The following SORCS1 variants were observed in gnomAD, a reference collection of about 807,000 sequenced individuals.
SORCS1 encodes sortilin related VPS10 domain containing receptor 1, also known as VPS10 domain-containing receptor SorCS1.
Under a neutral mutation model 146.1 loss-of-function variants are expected in SORCS1, and 60 were observed. The ratio of observed to expected loss-of-function variants is 0.41; its 90% CI spans 0.33 to 0.51. The LOEUF is 0.51. SORCS1 is among the 20% of genes least tolerant of loss of function. The pLI, the probability that SORCS1 is intolerant of heterozygous loss-of-function variation, is 0.21. For synonymous variants in SORCS1, 637 were observed against 584.0 expected, an observed-to-expected ratio of 1.09 and a Z score of -1.31; for missense variants, 1,352 against 1,487.6, an observed-to-expected ratio of 0.91 and a Z score of 1.50.
intron 18 of SORCS1, among the ~76,000 whole-genome samples, chr10:106,635,426 C>T (rs1175001082): frequency 1.3e-5 from 2 of 152,042 alleles, no homozygotes; most frequent in African/African-American, 4.8e-5. Context: ...CAACAAATAA[C>T]ACAGTAAATA....
intron 2 of SORCS1, among the ~76,000 whole-genome samples, chr10:106,864,151 A>T (rs1336525305): frequency 6.6e-6 from 1 of 152,230 alleles, no homozygotes; most frequent in Non-Finnish European, 1.5e-5. Context: ...CTTGGCTGTC[A>T]TGGAGAAAAA....
chr10:106,619,249 A>T, intron 20 of SORCS1, among the ~76,000 whole-genome samples: 1 of 152,160 alleles, frequency 6.6e-6, no homozygotes, highest in East Asian at 1.9e-4. Flanking sequence ...TCCGCTATGG[A>T]TAGAGGGCCC....
At chr10:106,891,194 T>C (rs1951214647) in intron 2 of SORCS1, among the ~76,000 whole-genome samples, 1 of 152,140 alleles carries the variant, frequency 6.6e-6, no homozygotes, top group African/African-American at 2.4e-5. Flanking sequence ...GGATGAACTG[T>C]CACACTGGAG....
Position 106,620,474 on chromosome 10 carries a change from T to C in SORCS1, c.2750A>G (p.Gln917Arg), listed in dbSNP as rs1847667904. Reference protein sequence around the residue: ...VNATAVLWPSQVGTLTYVWWY... With the variant: ...VNATAVLWPSRVGTLTYVWWY... ...CCACACGTAAGTGAGGGTGCCCACTTGGCTGGGCCACAGCACTGCCGTCGC... is the reference window on the plus strand; with the variant it reads ...CCACACGTAAGTGAGGGTGCCCACTCGGCTGGGCCACAGCACTGCCGTCGC... The change falls in exon 20 of 26, where the codon CAA (glutamine) becomes CGA (arginine). Residue 917 changes from glutamine (Q) to arginine (R), a missense_variant. Physicochemically the swap from Gln to Arg is conservative, Grantham distance 43. Coordinates refer to ENST00000263054, the MANE Select transcript of SORCS1 (RefSeq NM_052918.5). 1.9e-6 allele frequency: 3 copies of C among 1,614,088 alleles called. No homozygotes were observed. The highest frequency in any genetic ancestry group is 2.5e-6 in the Non-Finnish European group (3 of 1,179,926).
rs117254826 is a variant in SORCS1, at chr10:106,599,685, G to C, written c.3166-2235C>G. Among the ~76,000 whole-genome samples, 138 of 152,192 alleles carry C rather than the reference G, an allele frequency of 9.1e-4. 3 individuals are homozygous for C. The East Asian group carries it at 0.025, about 28-fold the overall frequency. On this transcript the variant is annotated intron_variant, in intron 23 of 25. Coordinates refer to ENST00000263054, the MANE Select transcript of SORCS1 (RefSeq NM_052918.5). ...CCTGTTTTGCCAAATTTATCACATG[G>C]ACTAAAGGGAACTACATGTATTTGT...
intron 2 of SORCS1, among the ~76,000 whole-genome samples, chr10:106,830,616 C>T (rs1429413282): frequency 7.1e-6 from 1 of 140,870 alleles, no homozygotes; most frequent in Non-Finnish European, 1.5e-5. Flanking sequence ...GAATATAGGG[C>T]TGGGCACAGT....
intron 1 of SORCS1, among the ~76,000 whole-genome samples, chr10:106,968,784 T>A (rs571377473): frequency 1.8e-4 from 27 of 152,032 alleles, no homozygotes; most frequent in Non-Finnish European, 3.8e-4. Context: ...TCATTTACCA[T>A]AAAGTACAAC....
intron 24 of SORCS1, among the ~76,000 whole-genome samples, chr10:106,591,699 G>A (rs1589680052): frequency 6.6e-6 from 1 of 152,184 alleles, no homozygotes; most frequent in South Asian, 2.1e-4. Flanking sequence ...AAATAGGAGT[G>A]ATTCAAAAGG....
In SORCS1 at chr10:106,748,304, A is replaced by G. The variant is rs74979431; in HGVS notation, c.959+13284T>C. On this transcript the variant is annotated intron_variant, in intron 5 of 25. Transcript: ENST00000263054. ...TTTTTGCAATATTTCAAACTTTTTC[A>G]TGATTATAACATCTGTTACGGCGAT... Among the ~76,000 whole-genome samples the G allele has an allele frequency of 6.4e-4, 98 of 152,254 alleles. 2 individuals carry two copies. The East Asian group carries it at 0.013, about 21-fold the overall frequency.
intron 18 of SORCS1, among the ~76,000 whole-genome samples, chr10:106,647,952 T>C (rs1378510818): frequency 6.6e-6 from 1 of 152,178 alleles, no homozygotes; most frequent in Non-Finnish European, 1.5e-5. Context: ...ACTGTAGCTT[T>C]GAACTCCTGT....
chr10:107,010,198 T>G (rs1326389335), intron 1 of SORCS1, among the ~76,000 whole-genome samples: 1 of 152,256 alleles, frequency 6.6e-6, no homozygotes, highest in Non-Finnish European at 1.5e-5. Context: ...AACTTATACA[T>G]TTGTTAAATG....
At chr10:107,146,172 T>C (rs1005279069) in intron 1 of SORCS1, among the ~76,000 whole-genome samples, 1 of 152,208 alleles carries the variant, frequency 6.6e-6, no homozygotes, top group African/African-American at 2.4e-5. Context: ...AGCAGATACA[T>C]GTGTGTCTGT....
chr10:107,173,304 A>G, the SORCS1 span, among the ~76,000 whole-genome samples: 1 of 152,250 alleles, frequency 6.6e-6, no homozygotes, highest in Middle Eastern at 3.4e-3. Context: ...AGAATCTAAT[A>G]TACAATATGA....
At chr10:106,773,293 G>A (rs1860166483) in intron 4 of SORCS1, among the ~76,000 whole-genome samples, 1 of 152,188 alleles carries the variant, frequency 6.6e-6, no homozygotes, top group South Asian at 2.1e-4. Context: ...CCAGCACATG[G>A]TCCTCCTTGT....
At chr10:107,171,872 T>A in the SORCS1 span, among the ~76,000 whole-genome samples, 1 of 152,206 alleles carries the variant, frequency 6.6e-6, no homozygotes, top group Non-Finnish European at 1.5e-5. Flanking sequence ...TGTGAAGATA[T>A]GAATGAGCTT....
intron 1 of SORCS1, among the ~76,000 whole-genome samples, chr10:106,963,110 ATTTT>A (rs749174613): frequency 6.6e-5 from 5 of 76,310 alleles, no homozygotes; most frequent in Admixed American, 2.2e-4. Context: ...AATGGCCAGA[ATTTT>A]TTTTTTTTTT....
intron 1 of SORCS1, among the ~76,000 whole-genome samples, chr10:107,096,204 A>C (rs1203325906): frequency 6.6e-6 from 1 of 152,240 alleles, no homozygotes; most frequent in Non-Finnish European, 1.5e-5. Context: ...AAGAGGCAAG[A>C]AACAGTCACA....
intron 2 of SORCS1, among the ~76,000 whole-genome samples, chr10:106,843,116 A>G (rs532902154): frequency 2.6e-5 from 4 of 152,202 alleles, no homozygotes; most frequent in Non-Finnish European, 5.9e-5. Flanking sequence ...ATGCAGTGAG[A>G]ACACTTGAGT....
chr10:106,641,305 A>C lies in SORCS1; in HGVS notation c.2475+11077T>G, dbSNP rs553696674. Among the ~76,000 whole-genome samples the C allele has an allele frequency of 2.0e-5, 3 of 152,264 alleles. No homozygotes were observed. In the East Asian group the frequency reaches 5.8e-4, roughly 29 times the overall value. ...TATGCTATTTGCAGGAAAGAATCCC[A>C]TTTCTTGCACATATTAAATCTGTAA... On this transcript the variant is annotated intron_variant, in intron 18 of 25. Transcript: ENST00000263054.
Sources: allele counts gnomAD v4.1 joint callset (sites outside exome capture counted in the v4.1 genomes callset), GRCh38; gene constraint gnomAD v4.1.1; transcripts MANE v1.5; gene names NCBI Gene and HGNC (gene_info 2026-07-23, HGNC 2026-07-21).